SLC38A9: variants seen among roughly 807,000 people sequenced by gnomAD.
SLC38A9 encodes the protein solute carrier family 38 member 9, also known as neutral amino acid transporter 9.
In SLC38A9, 48 loss-of-function variants were observed where a neutral mutation model predicts 62.3. The observed-to-expected ratio is 0.77, with a 90% CI of 0.61 to 0.98. SLC38A9 has a LOEUF of 0.98. Among genes scored for constraint, SLC38A9 ranks in the 50% least tolerant of loss-of-function variants. The pLI is 0.00. For synonymous variants in SLC38A9, 204 were observed against 227.7 expected, an observed-to-expected ratio of 0.90 and a Z score of 0.94; for missense variants, 541 against 679.8, an observed-to-expected ratio of 0.80 and a Z score of 2.27.
intron 8 of SLC38A9, among the ~76,000 whole-genome samples, chr5:55,661,813 C>T (rs554948567): frequency 8.2e-4 from 125 of 152,296 alleles, no homozygotes; most frequent in African/African-American, 2.9e-3. Flanking sequence ...AGTATCCGAA[C>T]TTTACAGAGT....
At chr5:55,706,745 A>G (rs915238197) in intron 2 of SLC38A9, among the ~76,000 whole-genome samples, 1 of 152,216 alleles carries the variant, frequency 6.6e-6, no homozygotes, top group African/African-American at 2.4e-5. Flanking sequence ...CAGTTGTCTC[A>G]ATTAGTCAAT....
chr5:55,687,864 A>T (rs559708749), intron 3 of SLC38A9, among the ~76,000 whole-genome samples: 138 of 151,916 alleles, frequency 9.1e-4, no homozygotes, highest in African/African-American at 3.3e-3. Flanking sequence ...TGTCCGGCTA[A>T]TTTTTTGTAT....
intron 7 of SLC38A9, among the ~76,000 whole-genome samples, chr5:55,666,222 G>T (rs577105756): frequency 1.8e-4 from 28 of 152,196 alleles, no homozygotes; most frequent in Non-Finnish European, 3.1e-4. Flanking sequence ...ATTTAGGATA[G>T]AAATTTACAT....
chr5:55,646,168 G>A (rs1746306541), intron 11 of SLC38A9, among the ~76,000 whole-genome samples: 2 of 152,192 alleles, frequency 1.3e-5, no homozygotes, highest in South Asian at 4.1e-4. Flanking sequence ...CTGAGGTAAG[G>A]AGTTTGAGAC....
intron 3 of SLC38A9, chr5:55,696,017 C>A (rs1384798198): frequency 1.7e-5 from 1 of 60,208 alleles, no homozygotes; most frequent in East Asian, 4.0e-4. Context: ...GCTGGCCGGG[C>A]GGGGGGCTGA....
At chr5:55,642,575 A>G (rs1287177576) in intron 12 of SLC38A9, among the ~76,000 whole-genome samples, 2 of 152,168 alleles carry the variant, frequency 1.3e-5, no homozygotes, top group East Asian at 3.9e-4. Context: ...ATGAGTTTCT[A>G]GGGCACTTGG....
At chr5:55,695,023 G>A (rs34790125) in intron 3 of SLC38A9, among the ~76,000 whole-genome samples, 5,967 of 152,206 alleles carry the variant, frequency 0.039, 192 homozygotes, top group Non-Finnish European at 0.061. Context: ...AAAGTGTTGG[G>A]ATTACAGGCA....
At chr5:55,630,678 G>C (rs879850672) in intron 14 of SLC38A9, among the ~76,000 whole-genome samples, 1 of 151,978 alleles carries the variant, frequency 6.6e-6, no homozygotes, top group South Asian at 2.1e-4. Context: ...GTACATAGTA[G>C]GTGTATATAT....
chr5:55,696,213 C>A (rs1755613684), intron 3 of SLC38A9: 1 of 35,102 alleles, frequency 2.8e-5, no homozygotes, highest in African/African-American at 7.6e-5. Context: ...GCTGGCTGGG[C>A]AGAGGGGCTC....
chr5:55,637,597 C>A (rs560011811), intron 12 of SLC38A9, among the ~76,000 whole-genome samples: 1 of 152,296 alleles, frequency 6.6e-6, no homozygotes, highest in South Asian at 2.1e-4. Context: ...GAGACCACGT[C>A]TTTTTCTTCT....
At chr5:55,688,974 T>C (rs1326078277) in intron 3 of SLC38A9, among the ~76,000 whole-genome samples, 2 of 110,546 alleles carry the variant, frequency 1.8e-5, no homozygotes, top group Non-Finnish European at 2.1e-5. Context: ...ATATGAAGTA[T>C]AGGTAAATAA....
chr5:55,686,722 G>A (rs1753870471), intron 3 of SLC38A9, among the ~76,000 whole-genome samples: 1 of 152,122 alleles, frequency 6.6e-6, no homozygotes, highest in African/African-American at 2.4e-5. Context: ...TACTGCCTAG[G>A]TTGTCTTCCA....
chr5:55,692,034 G>A (rs186224959), intron 3 of SLC38A9, among the ~76,000 whole-genome samples: 1 of 152,114 alleles, frequency 6.6e-6, no homozygotes, highest in Admixed American at 6.5e-5. Context: ...GCTAAACTGA[G>A]GATAAGTAAT....
chr5:55,694,482 A>T (rs1022901160), intron 3 of SLC38A9, among the ~76,000 whole-genome samples: 1 of 105,720 alleles, frequency 9.5e-6, no homozygotes, highest in African/African-American at 3.0e-5. Flanking sequence ...GGCACTAAGG[A>T]CAATTCTGTG....
chr5:55,687,996 C>T (rs1463451905), intron 3 of SLC38A9, among the ~76,000 whole-genome samples: 1 of 152,032 alleles, frequency 6.6e-6, no homozygotes, highest in Non-Finnish European at 1.5e-5. Context: ...TGCACCCGGC[C>T]GGTATTTTAG....
chr5:55,656,818 C>T, intron 8 of SLC38A9, 44 bp from the exon 9 acceptor site: 1 of 1,007,378 alleles, frequency 9.9e-7, no homozygotes, highest in Non-Finnish European at 1.5e-6. Context: ...GAATGAAAGA[C>T]ACTAAATCTA....
chr5:55,682,081 G>T (rs1271800691), intron 3 of SLC38A9, among the ~76,000 whole-genome samples: 1 of 152,104 alleles, frequency 6.6e-6, no homozygotes, highest in Non-Finnish European at 1.5e-5. Flanking sequence ...TCCTTGACGG[G>T]CAAAGGAGAT....
chr5:55,687,562 C>A (rs1754090878), intron 3 of SLC38A9, among the ~76,000 whole-genome samples: 1 of 151,586 alleles, frequency 6.6e-6, no homozygotes, highest in South Asian at 2.1e-4. Flanking sequence ...TTCTTCCTAT[C>A]TATGAGCATA....
chr5:55,678,654 T>TTG, intron 3 of SLC38A9, among the ~76,000 whole-genome samples: 6 of 133,112 alleles, frequency 4.5e-5, no homozygotes, highest in African/African-American at 1.4e-4. Flanking sequence ...ACTTTTTTTT[T>TTG]TTTTTTTTTT....
Sources: allele counts gnomAD v4.1 joint callset (sites outside exome capture counted in the v4.1 genomes callset), GRCh38; gene constraint gnomAD v4.1.1; transcripts MANE v1.5; gene names NCBI Gene and HGNC (gene_info 2026-07-23, HGNC 2026-07-21).